The following PRIM2 variants were observed in gnomAD, a reference collection of about 807,000 sequenced individuals.
PRIM2 encodes DNA primase large subunit.
PRIM2 carries 39 observed loss-of-function variants against 67.3 expected under a neutral mutation model. The ratio of observed to expected loss-of-function variants is 0.58; its 90% CI spans 0.45 to 0.76. PRIM2 has a LOEUF of 0.76. PRIM2 is among the 30% of genes least tolerant of loss of function. PRIM2 has a pLI of 0.00. For missense variants in PRIM2, 398 were observed against 598.7 expected, an observed-to-expected ratio of 0.66 and a Z score of 3.50; for synonymous variants, 143 against 198.7, an observed-to-expected ratio of 0.72 and a Z score of 2.36.
intron 5 of PRIM2, among the ~76,000 whole-genome samples, chr6:57,326,893 CTTTTTTTTTTTT>C (rs70989764): frequency 0.011 from 1,438 of 131,498 alleles, 31 homozygotes; most frequent in African/African-American, 0.04. Context: ...GAATTTGTAT[CTTTTTTTTTTTT>C]TTTTTTTTTT....
At chr6:57,492,377 T>G (rs1773914930) in intron 7 of PRIM2, among the ~76,000 whole-genome samples, 1 of 151,912 alleles carries the variant, frequency 6.6e-6, no homozygotes, top group Non-Finnish European at 1.5e-5. Context: ...ACCCTATCTC[T>G]ACTAAAAATA....
intron 5 of PRIM2, among the ~76,000 whole-genome samples, chr6:57,374,312 G>A (rs1381728188): frequency 1.7e-5 from 1 of 59,622 alleles, no homozygotes; most frequent in Non-Finnish European, 3.7e-5. Context: ...TATTTTTTTT[G>A]AGACGGAGTT....
chr6:57,432,297 G>A (rs541492820), intron 7 of PRIM2, among the ~76,000 whole-genome samples: 2 of 152,098 alleles, frequency 1.3e-5, no homozygotes, highest in Admixed American at 6.5e-5. Context: ...TGGCAAAGGA[G>A]GAAATTTCAA....
At chr6:57,400,294 TG>T in intron 7 of PRIM2, among the ~76,000 whole-genome samples, 1 of 151,998 alleles carries the variant, frequency 6.6e-6, no homozygotes, top group Non-Finnish European at 1.5e-5. Flanking sequence ...TAAGGCAGGC[TG>T]GTGGTAATTA....
intron 7 of PRIM2, among the ~76,000 whole-genome samples, chr6:57,456,387 A>G (rs4715694): frequency 5.9e-5 from 9 of 152,178 alleles, no homozygotes; most frequent in Non-Finnish European, 1.0e-4. Context: ...GTGTTTTCCA[A>G]CTTGGTTCCA....
the PRIM2 span, among the ~76,000 whole-genome samples, chr6:57,252,144 C>T: frequency 6.6e-6 from 1 of 152,196 alleles, no homozygotes; most frequent in African/African-American, 2.4e-5. Flanking sequence ...TTAATAATCT[C>T]TCCTTCCTCA....
chr6:57,357,216 G>A (rs1397556629), intron 5 of PRIM2, among the ~76,000 whole-genome samples: 1 of 152,166 alleles, frequency 6.6e-6, no homozygotes, highest in African/African-American at 2.4e-5. Context: ...ACAGGAGTGA[G>A]CCACCGTGCC....
At chr6:57,618,391 C>T (rs2127496283) in intron 12 of PRIM2, among the ~76,000 whole-genome samples, 1 of 152,316 alleles carries the variant, frequency 6.6e-6, no homozygotes, top group East Asian at 1.9e-4. Context: ...CATGTGGAGG[C>T]TTAAATTGTG....
At chr6:57,564,150 C>T (rs1775692389) in intron 10 of PRIM2, among the ~76,000 whole-genome samples, 1 of 152,166 alleles carries the variant, frequency 6.6e-6, no homozygotes, top group African/African-American at 2.4e-5. Context: ...TTCATGTCTC[C>T]TTTTCCCTCT....
chr6:57,335,183 A>G (rs1768187404), intron 5 of PRIM2, among the ~76,000 whole-genome samples: 1 of 152,236 alleles, frequency 6.6e-6, no homozygotes, highest in African/African-American at 2.4e-5. Context: ...CCAGGAGATT[A>G]TATCCCGCAC....
At chr6:57,222,115 C>G in the PRIM2 span, 1 of 152,314 alleles carries the variant, frequency 6.6e-6, no homozygotes, top group African/African-American at 2.4e-5. Context: ...TCCCGACGCG[C>G]CAGCTCTCCC....
the PRIM2 span, among the ~76,000 whole-genome samples, chr6:57,267,523 C>T: frequency 4.0e-5 from 6 of 151,852 alleles, no homozygotes; most frequent in South Asian, 2.1e-4. Flanking sequence ...TCACTTTCTA[C>T]GAGCAATACC....
chr6:57,436,414 T>C (rs1772015546), intron 7 of PRIM2, among the ~76,000 whole-genome samples: 1 of 152,220 alleles, frequency 6.6e-6, no homozygotes, highest in South Asian at 2.1e-4. Flanking sequence ...AGAGAGAAAT[T>C]CCTATTTAAA....
At chr6:57,449,063 A>G (rs1772451343) in intron 7 of PRIM2, among the ~76,000 whole-genome samples, 1 of 152,198 alleles carries the variant, frequency 6.6e-6, no homozygotes, top group Non-Finnish European at 1.5e-5. Context: ...TTTAGCTTAC[A>G]GCACTTTGCC....
chr6:57,636,801 C>T (rs1777129943), intron 13 of PRIM2, among the ~76,000 whole-genome samples: 1 of 152,200 alleles, frequency 6.6e-6, no homozygotes, highest in South Asian at 2.1e-4. Flanking sequence ...TGGGATGGGG[C>T]ACATGGGGGA....
At chr6:57,338,205 G>C (rs372669819) in intron 5 of PRIM2, among the ~76,000 whole-genome samples, 3 of 152,174 alleles carry the variant, frequency 2.0e-5, no homozygotes, top group Admixed American at 6.5e-5. Context: ...CTGAAATTGT[G>C]GTAATAATCA....
At chr6:57,491,555 T>C (rs1344979424) in intron 7 of PRIM2, among the ~76,000 whole-genome samples, 1 of 152,222 alleles carries the variant, frequency 6.6e-6, no homozygotes, top group African/African-American at 2.4e-5. Flanking sequence ...TGATCTCATA[T>C]TGCAGTATGT....
the PRIM2 span, among the ~76,000 whole-genome samples, chr6:57,277,796 T>C: frequency 2.0e-3 from 300 of 151,648 alleles, 1 homozygote; most frequent in Middle Eastern, 6.9e-3. Context: ...CTGGCTAACA[T>C]GGTGAAACCC....
intron 5 of PRIM2, among the ~76,000 whole-genome samples, chr6:57,362,510 G>A (rs908003447): frequency 2.0e-5 from 3 of 152,016 alleles, no homozygotes; most frequent in African/African-American, 7.2e-5. Flanking sequence ...GCTTGGCTTG[G>A]AAGACTTCGG....
Sources: gnomAD v4.1 joint callset for allele counts (sites outside exome capture counted in the v4.1 genomes callset) on GRCh38, gnomAD v4.1.1 for gene constraint, MANE v1.5 for transcripts, NCBI Gene and HGNC (gene_info 2026-07-23, HGNC 2026-07-21) for gene names.